Variants in CCDC158 observed in about 807,000 individuals in gnomAD.
CCDC158 encodes the protein coiled-coil domain containing 158.
Under a neutral mutation model 138.6 loss-of-function variants are expected in CCDC158, and 116 were observed. The observed-to-expected ratio is 0.84, with a 90% CI of 0.72 to 0.98. CCDC158 has a LOEUF of 0.98. CCDC158 is among the 50% of genes least tolerant of loss of function. The probability of loss-of-function intolerance (pLI) is 0.00; values close to 1 mark genes in which losing one functional copy is unlikely to be tolerated. For missense variants in CCDC158, 1,265 were observed against 1,306.1 expected (o/e 0.97, Z 0.48); for synonymous variants, 436 against 442.4 (o/e 0.99, Z 0.18).
intron 4 of CCDC158, among the ~76,000 whole-genome samples, chr4:76,385,169 T>C (rs936372851): frequency 2.0e-5 from 3 of 152,142 alleles, no homozygotes; most frequent in Middle Eastern, 3.2e-3. Context: ...GTTGATGCCA[T>C]ACCTAATCCT....
At chr4:76,326,919 G>A (rs1215458952) in intron 22 of CCDC158, among the ~76,000 whole-genome samples, 4 of 152,096 alleles carry the variant, frequency 2.6e-5, no homozygotes, top group African/African-American at 9.7e-5. Context: ...AGAAAGTTAA[G>A]TGTAAATATG....
chr4:76,315,859 C>T (rs1226392567), intron 24 of CCDC158, among the ~76,000 whole-genome samples: 1 of 152,152 alleles, frequency 6.6e-6, no homozygotes, highest in African/African-American at 2.4e-5. Context: ...GCTAGATGTG[C>T]AAGAACAATA....
intron 12 of CCDC158, among the ~76,000 whole-genome samples, chr4:76,363,305 GCATGT>G (rs1724333918): frequency 6.6e-6 from 1 of 152,208 alleles, no homozygotes; most frequent in African/African-American, 2.4e-5. Context: ...TAGGAAGTAA[GCATGT>G]CCTGCATAAC....
At chr4:76,385,914 A>G (rs901014742) in intron 4 of CCDC158, among the ~76,000 whole-genome samples, 6 of 152,266 alleles carry the variant, frequency 3.9e-5, no homozygotes, top group African/African-American at 9.6e-5. Context: ...AACAAGAACC[A>G]GACAGACATC....
chr4:76,331,489 T>C (rs576607579), intron 20 of CCDC158, 86 bp from the exon 21 acceptor site: 1 of 1,067,626 alleles, frequency 9.4e-7, no homozygotes, highest in African/African-American at 1.6e-5. Context: ...AAAAATAATG[T>C]ATTCTTATGT....
At chr4:76,375,400 A>G in intron 9 of CCDC158, 1 of 454,158 alleles carries the variant, frequency 2.2e-6, no homozygotes, top group Non-Finnish European at 3.9e-6. Flanking sequence ...TCAAAAAGAC[A>G]CAGCTATGGA....
intron 9 of CCDC158, among the ~76,000 whole-genome samples, chr4:76,372,667 G>A (rs1725352403): frequency 6.6e-6 from 1 of 152,024 alleles, no homozygotes; most frequent in Non-Finnish European, 1.5e-5. Context: ...TTTACAGTAG[G>A]ACAATTTATT....
At chr4:76,346,068 G>T (rs554335023) in intron 18 of CCDC158, among the ~76,000 whole-genome samples, 1 of 152,044 alleles carries the variant, frequency 6.6e-6, no homozygotes, top group Non-Finnish European at 1.5e-5. Context: ...CAGAACAGAG[G>T]CTTCAGAAAT....
rs370602339 is a variant in CCDC158 at position 76,369,603 on chromosome 4, C to T, written c.1170G>A (p.Glu390=). ...QKLLADLHKR[E]KELSLEKEQN... ...GCTCCTTCTCCAGACTCAGCTCCTT[C>T]TCCCTTTTGTGTAGATCAGCCTAAA... Residue 390 remains glutamate, a synonymous_variant, in exon 11 of 25, where the codon GAG becomes GAA. Transcript: ENST00000682701. 6.2e-7 allele frequency: 1 copy of T among 1,614,144 alleles called. No individual in the cohort carries two copies. The highest frequency in any genetic ancestry group is 8.5e-7 in the Non-Finnish European group (1 of 1,180,012).
At chr4:76,344,539 C>T (rs1259634504) in intron 18 of CCDC158, 3 of 948,286 alleles carry the variant, frequency 3.2e-6, no homozygotes, top group Non-Finnish European at 5.2e-6. Flanking sequence ...AGCTGGGAAG[C>T]TGATGAATAG....
At chr4:76,346,687 T>TGACA (rs1274266073) in intron 18 of CCDC158, among the ~76,000 whole-genome samples, 1 of 152,054 alleles carries the variant, frequency 6.6e-6, no homozygotes, top group Non-Finnish European at 1.5e-5. Context: ...TCTAGACTGG[T>TGACA]GACAGAACAA....
At chr4:76,318,912 G>A (rs1017445726) in intron 24 of CCDC158, among the ~76,000 whole-genome samples, 4 of 152,188 alleles carry the variant, frequency 2.6e-5, no homozygotes, top group East Asian at 1.9e-4. Context: ...GGCAGATCAC[G>A]AGGTCAAGAG....
chr4:76,328,763 T>A, intron 22 of CCDC158, 137 bp downstream of exon 22: 1 of 678,988 alleles, frequency 1.5e-6, no homozygotes, highest in Non-Finnish European at 2.7e-6. Flanking sequence ...ACAGAATGCA[T>A]GAAAGAGGGA....
intron 3 of CCDC158, among the ~76,000 whole-genome samples, chr4:76,402,578 C>T (rs966243082): frequency 1.1e-4 from 17 of 152,222 alleles, no homozygotes; most frequent in African/African-American, 4.1e-4. Context: ...GCTCTTTCAA[C>T]ACCTATGTAA....
At chr4:76,333,481 A>G (rs28385457) in intron 19 of CCDC158, among the ~76,000 whole-genome samples, 4,462 of 152,280 alleles carry the variant, frequency 0.029, 216 homozygotes, top group African/African-American at 0.1. Flanking sequence ...TGAACTGGCT[A>G]AATTCTTTTT....
intron 24 of CCDC158, among the ~76,000 whole-genome samples, chr4:76,314,991 G>T (rs1396501223): frequency 2.6e-5 from 4 of 152,174 alleles, no homozygotes; most frequent in African/African-American, 9.7e-5. Flanking sequence ...TACTTGCTTT[G>T]TCAGTGGGGA....
chr4:76,348,010 T>G (rs1397985982), intron 18 of CCDC158, among the ~76,000 whole-genome samples: 2 of 152,150 alleles, frequency 1.3e-5, no homozygotes, highest in African/African-American at 4.8e-5. Flanking sequence ...GGCTGGGAAG[T>G]GCAAGATCAA....
chr4:76,351,693 T>G (rs1352791572), intron 17 of CCDC158, 27 bp downstream of exon 17: 2 of 1,433,334 alleles, frequency 1.4e-6, no homozygotes, highest in Non-Finnish European at 2.0e-6. Context: ...TTATTTTCGC[T>G]TAAACTAATA....
Position 76,401,137 on chromosome 4 carries a change from C to T in CCDC158, c.70+2001G>A, listed in dbSNP as rs551409774. On this transcript the variant is annotated intron_variant, in intron 3 of 24. Coordinates refer to ENST00000682701, the MANE Select transcript of CCDC158 (RefSeq NM_001394954.1). ...CAAAAAGTGATTTTTGATATGGGTA[C>T]ACTACCTTCATGTGCAGAAAATAGG... 1.8e-4 allele frequency: 45 copies of T among 256,236 alleles called. 2 individuals are homozygous for T. The South Asian group carries it at 2.0e-3, about 11-fold the overall frequency. 15.9% of individuals were successfully genotyped at this position (256,236 alleles called of 1,614,324 possible).
Sources: allele counts gnomAD v4.1 joint callset (sites outside exome capture counted in the v4.1 genomes callset), GRCh38; gene constraint gnomAD v4.1.1; transcripts MANE v1.5; gene names NCBI Gene and HGNC (gene_info 2026-07-23, HGNC 2026-07-21).